The following NTM variants were observed in gnomAD, a reference collection of about 807,000 sequenced individuals.
NTM encodes the protein IgLON family member 2.
NTM carries 13 observed loss-of-function variants against 42.1 expected under a neutral mutation model. The observed-to-expected ratio is 0.31, with a 90% CI of 0.20 to 0.49. NTM has a LOEUF of 0.49. Ranked by LOEUF, NTM falls within the 20% of genes least tolerant of loss-of-function variation. The pLI is 0.99. For synonymous variants in NTM, 187 were observed against 179.2 expected, an observed-to-expected ratio of 1.04 and a Z score of -0.35; for missense variants, 373 against 452.8, an observed-to-expected ratio of 0.82 and a Z score of 1.60.
chr11:131,611,667 C>T (rs974356638), intron 1 of NTM, among the ~76,000 whole-genome samples: 3 of 152,152 alleles, frequency 2.0e-5, no homozygotes, highest in South Asian at 2.1e-4. Flanking sequence ...AGAAGCAGAA[C>T]GGAACTAATG....
intron 1 of NTM, among the ~76,000 whole-genome samples, chr11:131,421,738 A>G (rs1947551309): frequency 6.6e-6 from 1 of 152,148 alleles, no homozygotes; most frequent in South Asian, 2.1e-4. Flanking sequence ...TAACCTACAT[A>G]TCTTTATTAA....
At chr11:131,893,469 T>G (rs2137547583) in intron 1 of NTM, among the ~76,000 whole-genome samples, 1 of 152,262 alleles carries the variant, frequency 6.6e-6, no homozygotes, top group African/African-American at 2.4e-5. Context: ...CTAGGAGTAT[T>G]ATTCTTGGTG....
chr11:131,756,126 T>C (rs1359495222), intron 1 of NTM, among the ~76,000 whole-genome samples: 1 of 152,112 alleles, frequency 6.6e-6, no homozygotes, highest in African/African-American at 2.4e-5. Context: ...CACACTCTCA[T>C]TGGTGTTAGT....
intron 7 of NTM, among the ~76,000 whole-genome samples, chr11:132,317,294 G>T (rs965773326): frequency 1.3e-5 from 2 of 151,650 alleles, no homozygotes; most frequent in Admixed American, 6.6e-5. Flanking sequence ...GAAACGATGG[G>T]GGTGGGGAAG....
chr11:131,926,036 T>C (rs1222382734), intron 2 of NTM, among the ~76,000 whole-genome samples: 1 of 152,190 alleles, frequency 6.6e-6, no homozygotes, highest in African/African-American at 2.4e-5. Flanking sequence ...AGCCAGGAGC[T>C]GTTCTAGGTG....
intron 1 of NTM, among the ~76,000 whole-genome samples, chr11:131,456,495 C>A (rs1950905467): frequency 6.6e-6 from 1 of 152,172 alleles, no homozygotes; most frequent in Non-Finnish European, 1.5e-5. Context: ...AGTGCCCCAG[C>A]ATGGCTCCCA....
chr11:131,443,141 G>T (rs1320336756), intron 1 of NTM, among the ~76,000 whole-genome samples: 1 of 152,138 alleles, frequency 6.6e-6, no homozygotes, highest in East Asian at 1.9e-4. Context: ...AGTACGTGTG[G>T]TGAGCTGAAC....
chr11:132,069,778 C>T (rs544487733), intron 2 of NTM, among the ~76,000 whole-genome samples: 32 of 148,732 alleles, frequency 2.2e-4, no homozygotes, highest in African/African-American at 7.1e-4. Flanking sequence ...GTCAAACTGA[C>T]GATCACAGGT....
At chr11:132,325,410 G>C (rs1565487937) in intron 7 of NTM, among the ~76,000 whole-genome samples, 1 of 152,214 alleles carries the variant, frequency 6.6e-6, no homozygotes. Flanking sequence ...AAAAACACAT[G>C]AATAAATGCT....
chr11:132,119,765 G>A (rs1313559060), intron 2 of NTM, among the ~76,000 whole-genome samples: 1 of 152,200 alleles, frequency 6.6e-6, no homozygotes, highest in Non-Finnish European at 1.5e-5. Context: ...GGCTACAGAA[G>A]GGCAGAGCTG....
chr11:131,491,261 T>A (rs1009535342), intron 1 of NTM, among the ~76,000 whole-genome samples: 12 of 152,314 alleles, frequency 7.9e-5, no homozygotes, highest in African/African-American at 2.4e-4. Flanking sequence ...ATCTTTCTAT[T>A]CTTTCTATAG....
intron 2 of NTM, among the ~76,000 whole-genome samples, chr11:131,949,612 C>T (rs1012927090): frequency 6.6e-6 from 1 of 152,174 alleles, no homozygotes; most frequent in South Asian, 2.1e-4. Flanking sequence ...GTTGGGTCCA[C>T]CTTGAGTACT....
chr11:131,940,415 A>G (rs1169043182), intron 2 of NTM, among the ~76,000 whole-genome samples: 3 of 152,236 alleles, frequency 2.0e-5, no homozygotes, highest in Non-Finnish European at 1.5e-5. Flanking sequence ...TGAGATAAAT[A>G]CATATGTATT....
intron 7 of NTM, among the ~76,000 whole-genome samples, chr11:132,316,045 T>TCAGTTTCCCATTAACCCAA: frequency 6.6e-6 from 1 of 152,112 alleles, no homozygotes; most frequent in East Asian, 1.9e-4. Flanking sequence ...AGGCTCCCCC[T>TCAGTTTCCCATTAACCCAA]CAGTTTCCCA....
Position 131,377,775 on chromosome 11 carries a change from A to G in NTM, c.82+6887A>G, listed in dbSNP as rs112919687. ...ACAGAGGTAACAAAGCTGCTCTGGC[A>G]CTCACACTGTGTACTCTAGCTGCAC... On this transcript the variant is annotated intron_variant, in intron 1 of 8. Transcript: ENST00000683400. Among the ~76,000 whole-genome samples, 684 of 152,074 alleles carry G rather than the reference A, an allele frequency of 4.5e-3. 9 individuals are homozygous for G. Among genetic ancestry groups the G allele is most frequent in the African/African-American group, 0.016 (661 of 41,464 alleles).
chr11:131,501,646 G>A (rs1434181751), intron 1 of NTM, among the ~76,000 whole-genome samples: 4 of 152,198 alleles, frequency 2.6e-5, no homozygotes, highest in Admixed American at 1.3e-4. Context: ...AGTAAGAAAC[G>A]ATGGCAAAGG....
intron 2 of NTM, among the ~76,000 whole-genome samples, chr11:132,033,155 G>A (rs2076129844): frequency 6.6e-6 from 1 of 152,190 alleles, no homozygotes; most frequent in African/African-American, 2.4e-5. Context: ...GCACGCTCAT[G>A]GCTGCGGGCA....
chr11:131,757,026 C>A (rs1303138023), intron 1 of NTM, among the ~76,000 whole-genome samples: 1 of 152,214 alleles, frequency 6.6e-6, no homozygotes, highest in African/African-American at 2.4e-5. Flanking sequence ...ACCTCAGAGC[C>A]CTGAGCCACA....
intron 1 of NTM, among the ~76,000 whole-genome samples, chr11:131,609,140 G>A (rs1175808674): frequency 4.6e-5 from 7 of 152,198 alleles, no homozygotes; most frequent in East Asian, 1.9e-4. Context: ...TGAGCTGGGC[G>A]AAGGCGTGGG....
Sources: gnomAD v4.1 joint callset for allele counts (sites outside exome capture counted in the v4.1 genomes callset) on GRCh38, gnomAD v4.1.1 for gene constraint, MANE v1.5 for transcripts, NCBI Gene and HGNC (gene_info 2026-07-23, HGNC 2026-07-21) for gene names.